The following CABP7 variants were observed in gnomAD, a reference collection of about 807,000 sequenced individuals.
The protein encoded by CABP7 is calcium-binding protein 7.
CABP7 carries 13 observed loss-of-function variants against 23.1 expected under a neutral mutation model. The ratio of observed to expected loss-of-function variants is 0.56; its 90% CI spans 0.37 to 0.90. CABP7 has a LOEUF of 0.90. Ranked by LOEUF, CABP7 falls within the 40% of genes least tolerant of loss-of-function variation. The probability of loss-of-function intolerance (pLI) is 0.01; values close to 1 mark genes in which losing one functional copy is unlikely to be tolerated. For missense variants in CABP7, 248 were observed against 295.6 expected (o/e 0.84, Z 1.18); for synonymous variants, 123 against 115.3 (o/e 1.07, Z -0.43).
rs2067750240 is a variant in CABP7 at position 29,720,343 on chromosome 22, C to T, written c.-82C>T. On this transcript the variant is annotated 5_prime_UTR_variant, in exon 1 of 5. Coordinates refer to ENST00000216144, the MANE Select transcript of CABP7 (RefSeq NM_182527.3). The surrounding 1 kb of genome is among the most constrained non-coding windows in gnomAD (Gnocchi z 5.2). Reference sequence around the variant, plus strand: ...TCCGCAGCCGCGCGCCCCGCCCGCTCCAGCCGCCCCCGGGGCCGCCACCGG... The same window carrying T: ...TCCGCAGCCGCGCGCCCCGCCCGCTTCAGCCGCCCCCGGGGCCGCCACCGG... The T allele has an allele frequency of 1.4e-6, 1 of 719,018 alleles. No homozygotes were observed. The highest frequency in any genetic ancestry group is 1.8e-6 in the Non-Finnish European group (1 of 548,916). The allele number at this position is 719,018 out of a possible 1,614,324, so 44.5% of individuals were successfully genotyped here. A position where few individuals can be genotyped will look rare whatever the true frequency, so the allele number is the denominator to read the frequency against.
Position 29,727,522 on chromosome 22 carries a change from A to G in CABP7, c.110-140A>G. ...CGGCACCCTTGTGCACCCTCGGGCC[A>G]TGCTCTCACCAGATCTGCAGGCTCT... On this transcript the variant is annotated intron_variant, in intron 1 of 4. Coordinates refer to ENST00000216144, the MANE Select transcript of CABP7 (RefSeq NM_182527.3). This position sits in a 1 kb window ranked among gnomAD's most constrained non-coding sequence, Gnocchi z 4.2. 9.3e-7 allele frequency: 1 copy of G among 1,072,410 alleles called. No homozygotes were observed. The highest frequency in any genetic ancestry group is 1.4e-6 in the Non-Finnish European group (1 of 720,204). The allele number at this position is 1,072,410 out of a possible 1,614,324, so 66.4% of individuals were successfully genotyped here.
rs2067756719 is a variant in CABP7, at chr22:29,720,886, G to C, written c.109+353G>C. On this transcript the variant is annotated intron_variant, in intron 1 of 4. Transcript: ENST00000216144. This position sits in a 1 kb window ranked among gnomAD's most constrained non-coding sequence, Gnocchi z 5.2. ...CGCGCTGAGCCCCCAGCGCCGGCCC[G>C]GCCGGAGCACCCGCATCCTGATCCC... Among the ~76,000 whole-genome samples the C allele has an allele frequency of 6.6e-6, 1 of 151,662 alleles. No homozygotes were observed. Among genetic ancestry groups the C allele is most frequent in the African/African-American group, 2.4e-5 (1 of 41,358 alleles).
chr22:29,731,677 A>T lies in CABP7; in HGVS notation c.*2108A>T. On this transcript the variant is annotated 3_prime_UTR_variant, in exon 5 of 5. Coordinates refer to ENST00000216144, the MANE Select transcript of CABP7 (RefSeq NM_182527.3). ...AGAATGCCATGCGGCCTGTGTAAGA[A>T]TTAAGGCAGATTTATATGCACTGAT... is the stretch of plus-strand genomic sequence containing the variant. 3.5e-6 allele frequency: 1 copy of T among 283,276 alleles called. No individual in the cohort carries two copies. The allele number at this position is 283,276 out of a possible 1,614,324, so 17.5% of individuals were successfully genotyped here. A position where few individuals can be genotyped will look rare whatever the true frequency, so the allele number is the denominator to read the frequency against.
At chr22:29,728,482 A>G in intron 2 of CABP7, 148 bp from the exon 3 acceptor site, 1 of 584,888 alleles carries the variant, frequency 1.7e-6, no homozygotes, top group South Asian at 2.0e-5. Flanking sequence ...TGCCCCTGAC[A>G]CTGACTCAAG....
At chr22:29,726,604 AC>A (rs1348238897) in intron 1 of CABP7, among the ~76,000 whole-genome samples, 3 of 152,186 alleles carry the variant, frequency 2.0e-5, no homozygotes, top group Admixed American at 1.3e-4. Context: ...ACACAGATAC[AC>A]ACCCTCTCTC....
intron 1 of CABP7, among the ~76,000 whole-genome samples, chr22:29,723,041 C>T (rs546810033): frequency 6.6e-6 from 1 of 152,322 alleles, no homozygotes; most frequent in East Asian, 1.9e-4. Flanking sequence ...GTTTCCCCAC[C>T]TATAAAAGGG....
Position 29,731,313 on chromosome 22 carries a change from C to T in CABP7, c.*1744C>T. The T allele has an allele frequency of 6.5e-7, 1 of 1,531,292 alleles. No individual in the cohort carries two copies. The highest frequency in any genetic ancestry group is 1.7e-4 in the Middle Eastern group (1 of 5,862). 94.9% of individuals were successfully genotyped at this position (1,531,292 alleles called of 1,614,324 possible). A position where few individuals can be genotyped will look rare whatever the true frequency, so the allele number is the denominator to read the frequency against. On this transcript the variant is annotated 3_prime_UTR_variant, in exon 5 of 5. Transcript: ENST00000216144. Reference sequence around the variant, plus strand: ...AGGCAGCTCCTGAACTGGTGGCCAGCCCACGGGGTACTGGAAGACAGTGGT... The same window carrying T: ...AGGCAGCTCCTGAACTGGTGGCCAGTCCACGGGGTACTGGAAGACAGTGGT...
chr22:29,725,592 C>A (rs1475873297), intron 1 of CABP7, among the ~76,000 whole-genome samples: 1 of 152,158 alleles, frequency 6.6e-6, no homozygotes, highest in Non-Finnish European at 1.5e-5. Flanking sequence ...AAGAGCAGGG[C>A]CTGTGGGGGC....
At chr22:29,724,378 T>A (rs896763847) in intron 1 of CABP7, among the ~76,000 whole-genome samples, 13 of 152,236 alleles carry the variant, frequency 8.5e-5, no homozygotes, top group African/African-American at 2.9e-4. Context: ...GTCCTCCCTC[T>A]TCTTCTGGCT....
Position 29,728,669 on chromosome 22 carries a change from TGGG to T in CABP7, c.294_296del (p.Gly99del). ...GACTTTGAGGAGTTTGTGACCCTTC[TGGG>T]ACCCAAACTCTCCACCTCAGGGATC... On this transcript the variant is annotated inframe_deletion, in exon 3 of 5. Coordinates refer to ENST00000216144, the MANE Select transcript of CABP7 (RefSeq NM_182527.3). 6.2e-7 allele frequency: 1 copy of T among 1,613,714 alleles called. No homozygotes were observed. The highest frequency in any genetic ancestry group is 2.2e-5 in the East Asian group (1 of 44,888).
In CABP7 at chr22:29,730,322, C is replaced by T. The variant is rs1279855419; in HGVS notation, c.*753C>T. On this transcript the variant is annotated 3_prime_UTR_variant, in exon 5 of 5. Coordinates refer to ENST00000216144, the MANE Select transcript of CABP7 (RefSeq NM_182527.3). ...AGGTGGCCCTGCAGCCCCCCACCTT[C>T]TGGCCCTCCCACCAGAGGCCCAGCT... 1 of 152,754 alleles carries T rather than the reference C, an allele frequency of 6.5e-6. No individual in the cohort carries two copies. The highest frequency in any genetic ancestry group is 6.5e-5 in the Admixed American group (1 of 15,284). The allele number at this position is 152,754 out of a possible 1,614,324, so 9.5% of individuals were successfully genotyped here.
rs374292649 is a variant in CABP7 at position 29,727,368 on chromosome 22, CGG to C, written c.110-291_110-290del. Reference sequence around the variant, plus strand: ...TCCCCTGCACGTGGTCCCCACCACACGGGGTCGTTGTGAGCACACCAGGAGAG... The same window carrying C: ...TCCCCTGCACGTGGTCCCCACCACACGGTCGTTGTGAGCACACCAGGAGAG... On this transcript the variant is annotated intron_variant, in intron 1 of 4. Coordinates refer to ENST00000216144, the MANE Select transcript of CABP7 (RefSeq NM_182527.3). The surrounding 1 kb of genome is among the most constrained non-coding windows in gnomAD (Gnocchi z 4.2). Among the ~76,000 whole-genome samples, 19 of 152,308 alleles carry C rather than the reference CGG, an allele frequency of 1.2e-4. No individual in the cohort carries two copies. In the East Asian group the frequency reaches 3.7e-3, roughly 29 times the overall value.
chr22:29,726,748 C>G (rs968964705), intron 1 of CABP7, among the ~76,000 whole-genome samples: 2 of 152,214 alleles, frequency 1.3e-5, no homozygotes, highest in African/African-American at 2.4e-5. Flanking sequence ...CCCCGCCCCC[C>G]ACTCCCAAAG....
chr22:29,725,117 C>T (rs1225154129), intron 1 of CABP7, among the ~76,000 whole-genome samples: 2 of 152,120 alleles, frequency 1.3e-5, no homozygotes, highest in East Asian at 3.9e-4. Context: ...GGAGCGGTGC[C>T]TGACCCTGGT....
In CABP7 at chr22:29,727,745, C is replaced by T; in HGVS notation, c.193C>T (p.Leu65=). 5 of 1,613,558 alleles carry T rather than the reference C, an allele frequency of 3.1e-6. No individual in the cohort carries two copies. Among genetic ancestry groups the T allele is most frequent in the Non-Finnish European group, 4.2e-6 (5 of 1,179,844 alleles). Reference sequence around the variant, plus strand: ...GGAGCTGGGCACAGCCATGCGCTCACTGGGTTACATGCCCAACGAGGTGGA... The same window carrying T: ...GGAGCTGGGCACAGCCATGCGCTCATTGGGTTACATGCCCAACGAGGTGGA... ...KQELGTAMRS[L]GYMPNEVELE... Residue 65 remains leucine (L), a synonymous_variant, in exon 2 of 5, where the codon CTG becomes TTG. Transcript: ENST00000216144. This position sits in a 1 kb window ranked among gnomAD's most constrained non-coding sequence, Gnocchi z 4.2.
rs1690969162 is a variant in CABP7 at position 29,728,619 on chromosome 22, G to A, written c.254-11G>A. 1.3e-6 allele frequency: 2 copies of A among 1,564,416 alleles called. No individual in the cohort carries two copies. The highest frequency in any genetic ancestry group is 1.7e-5 in the Admixed American group (1 of 59,884). On this transcript the variant is annotated splice_polypyrimidine_tract_variant and intron_variant, in intron 2 of 4. Transcript: ENST00000216144. ...CTACCCACTGATTGATTGGACCTGT[G>A]CCTCCACCAGGTGATGGTCAAGTGG...
At chr22:29,721,753 G>A (rs2147205083) in intron 1 of CABP7, among the ~76,000 whole-genome samples, 1 of 152,274 alleles carries the variant, frequency 6.6e-6, no homozygotes, top group African/African-American at 2.4e-5. Context: ...CTCGCTCACT[G>A]CACCATAGGC....
rs139093549 is a variant in CABP7, at chr22:29,731,663, C to T, written c.*2094C>T. The T allele has an allele frequency of 3.0e-3, 953 of 317,792 alleles. 4 individuals are homozygous for T. The highest frequency in any genetic ancestry group is 3.4e-3 in the Non-Finnish European group (598 of 173,938). 19.7% of individuals were successfully genotyped at this position (317,792 alleles called of 1,614,324 possible). On this transcript the variant is annotated 3_prime_UTR_variant, in exon 5 of 5. Coordinates refer to ENST00000216144, the MANE Select transcript of CABP7 (RefSeq NM_182527.3). Reference sequence around the variant, plus strand: ...CACGTCCACAGCAGAGAATGCCATGCGGCCTGTGTAAGAATTAAGGCAGAT... The same window carrying T: ...CACGTCCACAGCAGAGAATGCCATGTGGCCTGTGTAAGAATTAAGGCAGAT...
rs755369551 is a variant in CABP7 at position 29,727,759 on chromosome 22, C to T, written c.207C>T (p.Pro69=). ...CCATGCGCTCACTGGGTTACATGCC[C>T]AACGAGGTGGAGCTGGAGGTCATCA... is the stretch of plus-strand genomic sequence containing the variant. ...GTAMRSLGYM[P]NEVELEVIIQ... is the part of the protein sequence containing the mutation. Residue 69 remains proline (P), a synonymous_variant, in exon 2 of 5, where the codon CCC becomes CCT. Transcript: ENST00000216144. This position sits in a 1 kb window ranked among gnomAD's most constrained non-coding sequence, Gnocchi z 4.2. The T allele has an allele frequency of 6.2e-7, 1 of 1,613,082 alleles. No individual in the cohort carries two copies. Among genetic ancestry groups the T allele is most frequent in the South Asian group, 1.1e-5 (1 of 90,934 alleles).
Sources: allele counts gnomAD v4.1 joint callset (sites outside exome capture counted in the v4.1 genomes callset), GRCh38; gene constraint gnomAD v4.1.1; non-coding constraint Gnocchi (gnomAD v3.1); transcripts MANE v1.5; gene names NCBI Gene and HGNC (gene_info 2026-07-23, HGNC 2026-07-21).